The following TPST1 variants were observed in gnomAD, a reference collection of about 807,000 sequenced individuals.
The protein encoded by TPST1 is tyrosylprotein sulfotransferase 1.
Under a neutral mutation model 34.8 loss-of-function variants are expected in TPST1, and 20 were observed. The observed-to-expected ratio is 0.57, with a 90% confidence interval of 0.40 to 0.84. The LOEUF (loss-of-function observed/expected upper bound fraction) is 0.84. TPST1 is among the 40% of genes least tolerant of loss of function. The probability of loss-of-function intolerance (pLI) is 0.00; values close to 1 mark genes in which losing one functional copy is unlikely to be tolerated. For missense variants in TPST1, 353 were observed against 455.5 expected (o/e 0.78, Z 2.05); for synonymous variants, 152 against 159.4 (o/e 0.95, Z 0.35).
intron 2 of TPST1, among the ~76,000 whole-genome samples, chr7:66,250,371 G>C (rs1457240482): frequency 6.6e-6 from 1 of 152,192 alleles, no homozygotes; most frequent in African/African-American, 2.4e-5. Flanking sequence ...AGCTCTTGTT[G>C]TATATACTTA....
intron 1 of TPST1, chr7:66,221,705 G>A (rs1397594225): frequency 2.0e-5 from 3 of 152,194 alleles, no homozygotes; most frequent in African/African-American, 7.2e-5. Context: ...TCACTGCTTT[G>A]TGATGTTGCT....
At chr7:66,333,086 A>G (rs1217136127) in intron 3 of TPST1, among the ~76,000 whole-genome samples, 1 of 152,200 alleles carries the variant, frequency 6.6e-6, no homozygotes, top group African/African-American at 2.4e-5. Flanking sequence ...TTCACAAGCA[A>G]TTTAGGCAAA....
chr7:66,344,652 C>A (rs1004949823), intron 3 of TPST1, among the ~76,000 whole-genome samples: 3 of 151,756 alleles, frequency 2.0e-5, no homozygotes, highest in African/African-American at 7.3e-5. Flanking sequence ...ACCTCGTGAT[C>A]CACCTGCCTT....
intron 3 of TPST1, among the ~76,000 whole-genome samples, chr7:66,344,092 A>G (rs181824683): frequency 6.6e-6 from 1 of 152,286 alleles, no homozygotes; most frequent in East Asian, 1.9e-4. Context: ...CTGCAAAGAG[A>G]AAAAAGAATA....
At chr7:66,296,870 A>G (rs1238969461) in intron 3 of TPST1, among the ~76,000 whole-genome samples, 1 of 152,080 alleles carries the variant, frequency 6.6e-6, no homozygotes, top group Non-Finnish European at 1.5e-5. Context: ...TAATCCTAAA[A>G]TTATAGTATA....
intron 1 of TPST1, among the ~76,000 whole-genome samples, chr7:66,226,031 C>T (rs970485929): frequency 3.9e-5 from 6 of 151,988 alleles, no homozygotes; most frequent in South Asian, 2.1e-4. Flanking sequence ...GGAATACAGG[C>T]GCCTGTCACC....
chr7:66,350,852 G>A (rs959571554), intron 3 of TPST1, among the ~76,000 whole-genome samples: 1 of 152,090 alleles, frequency 6.6e-6, no homozygotes, highest in African/African-American at 2.4e-5. Flanking sequence ...GTTGCAAAGT[G>A]TTGAAATAAA....
chr7:66,211,768 C>G (rs767608968), intron 1 of TPST1, among the ~76,000 whole-genome samples: 2 of 152,176 alleles, frequency 1.3e-5, no homozygotes, highest in African/African-American at 2.4e-5. Flanking sequence ...GAGATGGAGA[C>G]CATCCTGGTC....
At chr7:66,217,140 C>T (rs1301481400) in intron 1 of TPST1, among the ~76,000 whole-genome samples, 1 of 152,092 alleles carries the variant, frequency 6.6e-6, no homozygotes, top group African/African-American at 2.4e-5. Context: ...AGTTCCATGT[C>T]ATTTGAGAAC....
rs543787871 is a variant in TPST1 at position 66,253,012 on chromosome 7, T to G, written c.845+11742T>G. On this transcript the variant is annotated intron_variant, in intron 2 of 5. Transcript: ENST00000304842. ...ATCCATGGGTTCCACATCCATAGAT[T>G]CAACTAACCTCAGGTCAAAAACATT... Among the ~76,000 whole-genome samples, 7 of 152,282 alleles carry G rather than the reference T, an allele frequency of 4.6e-5. No individual in the cohort carries two copies. In the South Asian group the frequency reaches 1.5e-3, roughly 32 times the overall value.
chr7:66,300,278 A>G (rs1007794816), intron 3 of TPST1, among the ~76,000 whole-genome samples: 2 of 152,236 alleles, frequency 1.3e-5, no homozygotes, highest in Non-Finnish European at 1.5e-5. Context: ...CACCAGGAGT[A>G]GATTCCATCT....
At chr7:66,314,605 T>C (rs1441294833) in intron 3 of TPST1, among the ~76,000 whole-genome samples, 1 of 152,244 alleles carries the variant, frequency 6.6e-6, no homozygotes, top group African/African-American at 2.4e-5. Context: ...ACGATGGGAA[T>C]ACATTGTGAA....
chr7:66,326,670 C>A (rs1430716622), intron 3 of TPST1, among the ~76,000 whole-genome samples: 1 of 152,160 alleles, frequency 6.6e-6, no homozygotes, highest in Non-Finnish European at 1.5e-5. Context: ...TAAGAGGTTC[C>A]TATTTCACAG....
intron 3 of TPST1, among the ~76,000 whole-genome samples, chr7:66,313,383 C>T (rs1275908122): frequency 6.6e-6 from 1 of 152,046 alleles, no homozygotes; most frequent in African/African-American, 2.4e-5. Flanking sequence ...CCATAACTCT[C>T]CAGCTTGGGT....
At chr7:66,256,379 T>C (rs1325084076) in intron 2 of TPST1, among the ~76,000 whole-genome samples, 2 of 152,224 alleles carry the variant, frequency 1.3e-5, no homozygotes, top group Non-Finnish European at 2.9e-5. Flanking sequence ...AAAGTTTCTG[T>C]GTGTCAGGAA....
intron 2 of TPST1, among the ~76,000 whole-genome samples, chr7:66,265,917 G>A (rs1210243443): frequency 6.6e-6 from 1 of 152,154 alleles, no homozygotes; most frequent in African/African-American, 2.4e-5. Context: ...AGAAATGAAA[G>A]AGAAAGAAGA....
chr7:66,224,901 CTTTTTTTTTTTTTTTTTTT>C (rs780952403), intron 1 of TPST1, among the ~76,000 whole-genome samples: 1 of 42,410 alleles, frequency 2.4e-5, no homozygotes, highest in Non-Finnish European at 3.9e-5. Flanking sequence ...TTCTGGTATT[CTTTTTTTTTTTTTTTTTTT>C]TTTTTTTTTT....
At chr7:66,214,875 T>C (rs1200575431) in intron 1 of TPST1, among the ~76,000 whole-genome samples, 1 of 147,598 alleles carries the variant, frequency 6.8e-6, no homozygotes, top group Non-Finnish European at 1.5e-5. Context: ...TAAATATGTA[T>C]TATATATTTA....
intron 3 of TPST1, among the ~76,000 whole-genome samples, chr7:66,338,226 TAAA>T (rs915607286): frequency 6.6e-6 from 1 of 151,568 alleles, no homozygotes; most frequent in African/African-American, 2.4e-5. Context: ...TCAAGATGGT[TAAA>T]AAAAAGACAA....
Sources: gnomAD v4.1 joint callset for allele counts (sites outside exome capture counted in the v4.1 genomes callset) on GRCh38, gnomAD v4.1.1 for gene constraint, MANE v1.5 for transcripts, NCBI Gene and HGNC (gene_info 2026-07-23, HGNC 2026-07-21) for gene names.